MYO16: variants seen among roughly 807,000 people sequenced by gnomAD.
MYO16 encodes unconventional myosin-XVI.
Under a neutral mutation model 205.3 loss-of-function variants are expected in MYO16, and 94 were observed. The ratio of observed to expected loss-of-function variants is 0.46; its 90% CI spans 0.39 to 0.54. MYO16 has a LOEUF of 0.54. Among genes scored for constraint, MYO16 ranks in the 20% least tolerant of loss-of-function variants. The pLI is 0.00. For missense variants in MYO16, 2,315 were observed against 2,387.5 expected, an observed-to-expected ratio of 0.97 and a Z score of 0.63; for synonymous variants, 988 against 954.0, an observed-to-expected ratio of 1.04 and a Z score of -0.66.
the MYO16 span, among the ~76,000 whole-genome samples, chr13:108,577,837 A>G: frequency 6.6e-6 from 1 of 152,196 alleles, no homozygotes; most frequent in Non-Finnish European, 1.5e-5. Flanking sequence ...TATATTTATA[A>G]AAATCCCTAA....
rs74119452 is a variant in MYO16, at chr13:108,906,599, C to T, written c.1778-3404C>T. ...TTAGTTGATCTTATGTGAAGAGCAG[C>T]ATCCTTTATTGCAAACAGCCTGGGC... On this transcript the variant is annotated intron_variant, in intron 15 of 34. Transcript: ENST00000457511. Among the ~76,000 whole-genome samples the T allele has an allele frequency of 2.6e-3, 399 of 152,300 alleles. 3 individuals are homozygous for T. The highest frequency in any genetic ancestry group is 9.3e-3 in the African/African-American group (385 of 41,574).
chr13:109,082,082 C>T (rs1429457191), intron 27 of MYO16, among the ~76,000 whole-genome samples: 3 of 152,178 alleles, frequency 2.0e-5, no homozygotes, highest in Non-Finnish European at 4.4e-5. Flanking sequence ...AAAATGCTGA[C>T]TTCTGAGCTG....
intron 2 of MYO16, among the ~76,000 whole-genome samples, chr13:108,685,599 G>C (rs187694626): frequency 6.6e-6 from 1 of 152,166 alleles, no homozygotes; most frequent in African/African-American, 2.4e-5. Context: ...TCCCAGATGA[G>C]GCTGGGAGGG....
At chr13:109,126,353 G>A (rs1026081984) in intron 30 of MYO16, among the ~76,000 whole-genome samples, 3 of 152,158 alleles carry the variant, frequency 2.0e-5, no homozygotes, top group African/African-American at 7.2e-5. Flanking sequence ...GCTCTGCCTT[G>A]TGGTAGATTC....
At chr13:108,769,668 G>T (rs1885897625) in intron 4 of MYO16, among the ~76,000 whole-genome samples, 1 of 152,178 alleles carries the variant, frequency 6.6e-6, no homozygotes, top group Non-Finnish European at 1.5e-5. Context: ...GGTGGTTCTG[G>T]AATAACAGAT....
At chr13:108,548,077 A>T in the MYO16 span, among the ~76,000 whole-genome samples, 1 of 152,238 alleles carries the variant, frequency 6.6e-6, no homozygotes, top group African/African-American at 2.4e-5. Flanking sequence ...CTTATATGAA[A>T]TATATGAGAT....
At chr13:108,771,584 C>T (rs1885965848) in intron 4 of MYO16, among the ~76,000 whole-genome samples, 5 of 152,078 alleles carry the variant, frequency 3.3e-5, no homozygotes, top group Admixed American at 3.3e-4. Context: ...GACATGGATC[C>T]ACCCGTACAG....
intron 9 of MYO16, among the ~76,000 whole-genome samples, chr13:108,832,255 G>C (rs1333931734): frequency 6.7e-6 from 1 of 149,598 alleles, no homozygotes; most frequent in Non-Finnish European, 1.5e-5. Flanking sequence ...AGATTCTCCT[G>C]CCTCAGCCTC....
At position 108,673,365 on chromosome 13, in the gene MYO16, CTT is replaced by C. The variant is rs10709309; in HGVS notation, c.292+7229_292+7230del. Among the ~76,000 whole-genome samples the C allele has an allele frequency of 6.7e-3, 905 of 134,788 alleles. 10 individuals are homozygous for C. Among genetic ancestry groups the C allele is most frequent in the African/African-American group, 0.023 (850 of 37,682 alleles). 88.4% of individuals were successfully genotyped at this position (134,788 alleles called of 152,430 possible). On this transcript the variant is annotated intron_variant, in intron 2 of 34. Coordinates refer to ENST00000457511, the MANE Select transcript of MYO16 (RefSeq NM_001198950.3). ...GATCAATCCCTCCCCGTTCTTCTTC[CTT>C]TTTTTTTTTTTTCAAAAGCAATGTT...
chr13:109,039,229 C>G (rs1006109355), intron 23 of MYO16, among the ~76,000 whole-genome samples: 3 of 152,166 alleles, frequency 2.0e-5, no homozygotes, highest in Non-Finnish European at 4.4e-5. Context: ...CTGGAAGGAG[C>G]CAGCTAGACA....
intron 33 of MYO16, among the ~76,000 whole-genome samples, chr13:109,172,003 T>A (rs1422408486): frequency 1.3e-5 from 2 of 152,160 alleles, no homozygotes; most frequent in African/African-American, 4.8e-5. Flanking sequence ...GACCAGGAAA[T>A]CTGCATTCTG....
At chr13:108,903,728 C>T (rs1336739561) in intron 15 of MYO16, among the ~76,000 whole-genome samples, 1 of 152,142 alleles carries the variant, frequency 6.6e-6, no homozygotes, top group African/African-American at 2.4e-5. Context: ...TGCCAAGACT[C>T]TTATGAAAGA....
the MYO16 span, among the ~76,000 whole-genome samples, chr13:108,550,314 CT>C: frequency 6.6e-6 from 1 of 152,248 alleles, no homozygotes; most frequent in African/African-American, 2.4e-5. Flanking sequence ...TGCTGTACCC[CT>C]GAGCTTTTAA....
At chr13:108,557,585 G>C in the MYO16 span, among the ~76,000 whole-genome samples, 1 of 152,144 alleles carries the variant, frequency 6.6e-6, no homozygotes, top group Admixed American at 6.5e-5. Context: ...TCTGAACTGG[G>C]TCCTTGAACC....
At chr13:108,960,051 T>C (rs1343772172) in intron 17 of MYO16, among the ~76,000 whole-genome samples, 1 of 151,640 alleles carries the variant, frequency 6.6e-6, no homozygotes, top group Non-Finnish European at 1.5e-5. Context: ...GATGAGCGGA[T>C]TGCTTGAGGC....
At position 109,113,520 on chromosome 13, in the gene MYO16, A is replaced by C. The variant is rs185091280; in HGVS notation, c.3439-6850A>C. ...TTGATATTTAGAAAGATCACGCTGA[A>C]TATAGTTTAAAAAATGGACGCATGT... On this transcript the variant is annotated intron_variant, in intron 28 of 34. Transcript: ENST00000457511. 1.9e-3 allele frequency among the ~76,000 whole-genome samples: 295 copies of C among 152,366 alleles called. 1 individual carries two copies. Among genetic ancestry groups the C allele is most frequent in the African/African-American group, 6.8e-3 (284 of 41,598 alleles).
At chr13:108,842,950 A>G in intron 9 of MYO16, among the ~76,000 whole-genome samples, 1 of 152,206 alleles carries the variant, frequency 6.6e-6, no homozygotes, top group Non-Finnish European at 1.5e-5. Flanking sequence ...TATCATTTGC[A>G]GTGGATCAAC....
chr13:108,534,217 A>G, the MYO16 span, among the ~76,000 whole-genome samples: 407 of 152,314 alleles, frequency 2.7e-3, 3 homozygotes, highest in African/African-American at 9.0e-3. Context: ...AAGCCTTCAA[A>G]CAAGAATATT....
intron 3 of MYO16, among the ~76,000 whole-genome samples, chr13:108,715,333 A>G (rs1023675984): frequency 2.0e-5 from 3 of 152,210 alleles, no homozygotes; most frequent in South Asian, 2.1e-4. Context: ...GGCTTGCCCT[A>G]TGGGGTATAG....
Sources: allele counts gnomAD v4.1 joint callset (sites outside exome capture counted in the v4.1 genomes callset), GRCh38; gene constraint gnomAD v4.1.1; transcripts MANE v1.5; gene names NCBI Gene and HGNC (gene_info 2026-07-23, HGNC 2026-07-21).